Variants in CENPH observed in about 807,000 individuals in gnomAD.
The protein encoded by CENPH is centromere protein H.
In CENPH, 40 loss-of-function variants were observed where a neutral mutation model predicts 42.9. That is an observed-to-expected ratio of 0.93 (90% CI 0.72 to 1.21). The LOEUF (loss-of-function observed/expected upper bound fraction) is 1.21, where lower values mean the gene tolerates loss of function less well. Ranked by LOEUF, CENPH falls within the 50% of genes most tolerant of loss-of-function variation. The probability of loss-of-function intolerance (pLI) is 0.00; values close to 1 mark genes in which losing one functional copy is unlikely to be tolerated. For synonymous variants in CENPH, 88 were observed against 96.5 expected (o/e 0.91, Z 0.52); for missense variants, 302 against 292.9 (o/e 1.03, Z -0.23).
Position 69,209,996 on chromosome 5 carries a change from G to GT in CENPH, c.*204dup, listed in dbSNP as rs1385709104. On this transcript the variant is annotated 3_prime_UTR_variant, in exon 9 of 9. Transcript: ENST00000283006. ...CTTTTTATATTTCTATATTTAGTTT[G>GT]TTTTTTTGTTGTTGTTGTTTTTTGA... 2.1e-5 allele frequency: 8 copies of GT among 373,556 alleles called. No individual in the cohort carries two copies. Among genetic ancestry groups the GT allele is most frequent in the South Asian group, 5.6e-5 (1 of 17,848 alleles). The allele number at this position is 373,556 out of a possible 1,614,324, so 23.1% of individuals were successfully genotyped here. A position where few individuals can be genotyped will look rare whatever the true frequency, so the allele number is the denominator to read the frequency against.
rs1172938522 is a variant in CENPH, at chr5:69,197,913, CTTTTTTTTT to C, written c.371+823_371+831del. ...TGGCCTCAGAGGTCTTACCTATGAT[CTTTTTTTTT>C]TTTTTTTTTTTTTTTTTTGAGACAG... On this transcript the variant is annotated intron_variant, in intron 5 of 8. Coordinates refer to ENST00000283006, the MANE Select transcript of CENPH (RefSeq NM_022909.4). 9.4e-5 allele frequency among the ~76,000 whole-genome samples: 7 copies of C among 74,168 alleles called. No homozygotes were observed. The South Asian group carries it at 3.9e-3, about 41-fold the overall frequency. 48.7% of individuals were successfully genotyped at this position (74,168 alleles called of 152,430 possible). A position where few individuals can be genotyped will look rare whatever the true frequency, so the allele number is the denominator to read the frequency against.
rs574399015 is a variant in CENPH at position 69,202,969 on chromosome 5, G to T, written c.486G>T (p.Leu162Phe). ...TGCTTGATATTAGAAAGAAGAGATT[G>T]CGTATGTAGAACACTTTTTTTTTGG... ...EKLLDIRKKR[L>F]QLKQASESKL... Residue 162 changes from leucine (L) to phenylalanine (F), a missense_variant and splice_region_variant, in exon 7 of 9, where the codon TTG becomes TTT. Physicochemically the swap from Leu to Phe is conservative, Grantham distance 22 (BLOSUM62 0). Transcript: ENST00000283006. 5.0e-5 allele frequency: 79 copies of T among 1,585,424 alleles called. No homozygotes were observed. The South Asian group carries it at 5.6e-4, about 11-fold the overall frequency.
Position 69,209,857 on chromosome 5 carries a change from T to C in CENPH, c.*58T>C. Reference sequence around the variant, plus strand: ...TGGCAATCTCAACTCTTATTTGGAATACTTCTGTGCATTTGTCTGTCCACC... The same window carrying C: ...TGGCAATCTCAACTCTTATTTGGAACACTTCTGTGCATTTGTCTGTCCACC... On this transcript the variant is annotated 3_prime_UTR_variant, in exon 9 of 9. Transcript: ENST00000283006. 1 of 963,428 alleles carries C rather than the reference T, an allele frequency of 1.0e-6. No homozygotes were observed. The highest frequency in any genetic ancestry group is 1.4e-5 in the South Asian group (1 of 73,324). 59.7% of individuals were successfully genotyped at this position (963,428 alleles called of 1,614,324 possible).
At chr5:69,192,358 CTT>C (rs1330673896) in intron 2 of CENPH, among the ~76,000 whole-genome samples, 3 of 152,084 alleles carry the variant, frequency 2.0e-5, no homozygotes, top group Admixed American at 1.3e-4. Flanking sequence ...TTCCAATAGT[CTT>C]TTTGTTCTCT....
rs370828297 is a variant in CENPH at position 69,207,856 on chromosome 5, TA to T, written c.488-338del. ...GTTTATATGTTTCATTTTTGTAATT[TA>T]AGAGGGAAAAATATATGTATTTCCT... On this transcript the variant is annotated intron_variant, in intron 7 of 8. Transcript: ENST00000283006. The T allele has an allele frequency of 6.7e-3, 1,051 of 156,714 alleles. 13 individuals carry two copies. The highest frequency in any genetic ancestry group is 0.041 in the South Asian group (202 of 4,940). The allele number at this position is 156,714 out of a possible 1,614,324, so 9.7% of individuals were successfully genotyped here.
At chr5:69,207,615 C>G (rs1460932477) in intron 7 of CENPH, 1 of 151,434 alleles carries the variant, frequency 6.6e-6, no homozygotes. Context: ...GGAGACTAGC[C>G]CAGCCAACGT....
At chr5:69,194,444 T>C (rs1422884225) in intron 2 of CENPH, among the ~76,000 whole-genome samples, 1 of 152,212 alleles carries the variant, frequency 6.6e-6, no homozygotes, top group African/African-American at 2.4e-5. Flanking sequence ...TCATTAGTAA[T>C]GTTAAACTGA....
chr5:69,206,040 T>C (rs1748153189), intron 7 of CENPH, among the ~76,000 whole-genome samples: 1 of 151,858 alleles, frequency 6.6e-6, no homozygotes, highest in Admixed American at 6.6e-5. Flanking sequence ...AATTTATTTT[T>C]CTATAGAGAC....
At chr5:69,208,076 G>C (rs1161596965) in intron 7 of CENPH, 120 bp from the exon 8 acceptor site, 2 of 506,758 alleles carry the variant, frequency 3.9e-6, no homozygotes, top group East Asian at 6.6e-5. Context: ...CTAAAATGCT[G>C]CTTATTAAAA....
At chr5:69,190,376 A>G (rs1747848113) in intron 1 of CENPH, among the ~76,000 whole-genome samples, 1 of 152,198 alleles carries the variant, frequency 6.6e-6, no homozygotes, top group East Asian at 1.9e-4. Flanking sequence ...TCATAAAAAT[A>G]TTTCATAACA....
At chr5:69,194,455 C>G (rs1580223953) in intron 2 of CENPH, among the ~76,000 whole-genome samples, 192 bp from the exon 3 acceptor site, 2 of 152,300 alleles carry the variant, frequency 1.3e-5, no homozygotes, top group South Asian at 4.1e-4. Flanking sequence ...GTTAAACTGA[C>G]TGCACATTGA....
At chr5:69,194,794 T>G in intron 3 of CENPH, 99 bp downstream of exon 3, 2 of 728,666 alleles carry the variant, frequency 2.7e-6, no homozygotes, top group Non-Finnish European at 4.5e-6. Flanking sequence ...TCATGCAGGC[T>G]AGAGTGCAGT....
chr5:69,192,077 C>G (rs1050356755), intron 2 of CENPH, among the ~76,000 whole-genome samples: 1 of 152,084 alleles, frequency 6.6e-6, no homozygotes, highest in Non-Finnish European at 1.5e-5. Context: ...TTTGTAGACA[C>G]AGGGTTTTGC....
At chr5:69,209,641 A>G in intron 8 of CENPH, 66 bp from the exon 9 acceptor site, 1 of 716,568 alleles carries the variant, frequency 1.4e-6, no homozygotes, top group Non-Finnish European at 2.4e-6. Context: ...ATGAAAAATG[A>G]TATTCTAAAA....
Position 69,208,363 on chromosome 5 carries a change from A to C in CENPH, c.651+4A>C, listed in dbSNP as rs1375546950. 1 of 1,565,528 alleles carries C rather than the reference A, an allele frequency of 6.4e-7. No homozygotes were observed. Among genetic ancestry groups the C allele is most frequent in the African/African-American group, 1.4e-5 (1 of 73,338 alleles). ...TGTTATTCAACATGTGTTCCAGGTAACATTTATATAAACTAGCAAGAGTTT... is the reference window on the plus strand; with the variant it reads ...TGTTATTCAACATGTGTTCCAGGTACCATTTATATAAACTAGCAAGAGTTT... On this transcript the variant is annotated splice_donor_region_variant and intron_variant, in intron 8 of 8. Coordinates refer to ENST00000283006, the MANE Select transcript of CENPH (RefSeq NM_022909.4).
intron 2 of CENPH, among the ~76,000 whole-genome samples, chr5:69,194,238 A>C (rs1444503458): frequency 3.9e-5 from 6 of 151,916 alleles, no homozygotes; most frequent in Non-Finnish European, 8.8e-5. Context: ...GGCTCACTGC[A>C]ACCCCAACCT....
intron 5 of CENPH, among the ~76,000 whole-genome samples, chr5:69,198,437 C>T (rs1184090738): frequency 1.3e-5 from 2 of 152,008 alleles, no homozygotes; most frequent in African/African-American, 4.8e-5. Flanking sequence ...TTACAGGCAC[C>T]TGCTACAACT....
At chr5:69,190,365 A>T (rs1026486568) in intron 1 of CENPH, among the ~76,000 whole-genome samples, 1 of 152,208 alleles carries the variant, frequency 6.6e-6, no homozygotes, top group African/African-American at 2.4e-5. Context: ...CAGGGAAAAG[A>T]TCATAAAAAT....
intron 7 of CENPH, among the ~76,000 whole-genome samples, chr5:69,205,702 C>CTTTTTTTTTTTT (rs1158243799): frequency 2.6e-5 from 2 of 77,090 alleles, no homozygotes; most frequent in South Asian, 5.6e-4. Context: ...CTGTAGATAT[C>CTTTTTTTTTTTT]TTTTTTTTTT....
Sources: gnomAD v4.1 joint callset for allele counts (sites outside exome capture counted in the v4.1 genomes callset) on GRCh38, gnomAD v4.1.1 for gene constraint, MANE v1.5 for transcripts, NCBI Gene and HGNC (gene_info 2026-07-23, HGNC 2026-07-21) for gene names.